WDR33: variants seen among roughly 807,000 people sequenced by gnomAD.
WDR33 encodes the protein pre-mRNA 3' end processing protein WDR33.
Under a neutral mutation model 164.9 loss-of-function variants are expected in WDR33, and 47 were observed. That is an observed-to-expected ratio of 0.29 (90% confidence interval 0.23 to 0.36). WDR33 has a LOEUF of 0.36. WDR33 is among the 10% of genes least tolerant of loss of function. The pLI is 1.00. For synonymous variants in WDR33, 505 were observed against 589.0 expected (o/e 0.86, Z 2.06); for missense variants, 1,137 against 1,754.1 (o/e 0.65, Z 6.28).
At position 127,709,531 on chromosome 2, in the gene WDR33, C is replaced by G. The variant is rs1388335294; in HGVS notation, c.3524G>C (p.Gly1175Ala). Reference protein sequence around the residue: ...PTPDEFPRFEGGRKPDSWDGN... With the variant: ...PTPDEFPRFEAGRKPDSWDGN... ...ATCCCAGGAATCTGGCTTCCGCCCT[C>G]CTTCAAAGCGAGGGAACTCGTCAGG... Residue 1175 changes from glycine to alanine, a missense_variant, in exon 20 of 22, where the codon GGA (glycine) becomes GCA (alanine). Physicochemically the swap from Gly to Ala is moderately conservative, Grantham distance 60. Coordinates refer to ENST00000322313, the MANE Select transcript of WDR33 (RefSeq NM_018383.5). The surrounding 1 kb of genome is among the most constrained non-coding windows in gnomAD (Gnocchi z 5.0). 5.6e-6 allele frequency: 9 copies of G among 1,614,152 alleles called. No individual in the cohort carries two copies. The highest frequency in any genetic ancestry group is 6.8e-6 in the Non-Finnish European group (8 of 1,179,974).
chr2:127,800,282 T>C (rs947356887), intron 1 of WDR33, among the ~76,000 whole-genome samples: 3 of 152,244 alleles, frequency 2.0e-5, no homozygotes, highest in South Asian at 2.1e-4. Context: ...TCATAAAAAT[T>C]ACAGCTTCTG....
intron 1 of WDR33, among the ~76,000 whole-genome samples, chr2:127,778,756 A>C (rs147863798): frequency 2.4e-4 from 37 of 152,188 alleles, no homozygotes; most frequent in Non-Finnish European, 4.4e-4. Flanking sequence ...CACTTGAGAA[A>C]AAAAAGTAAA....
chr2:127,737,175 G>A (rs1419900029), intron 7 of WDR33: 2 of 985,318 alleles, frequency 2.0e-6, no homozygotes, highest in African/African-American at 3.5e-5. Flanking sequence ...GATGCTTAAA[G>A]GAATGTGGCA....
chr2:127,702,308 C>A lies in WDR33; in HGVS notation c.*4015G>T. On this transcript the variant is annotated 3_prime_UTR_variant, in exon 22 of 22. Coordinates refer to ENST00000322313, the MANE Select transcript of WDR33 (RefSeq NM_018383.5). ...GGCCCTGCCCTAACAGCCTGCGAGT[C>A]TAATCCGGGAGCGGCTGCTGCCAGC... is the stretch of plus-strand genomic sequence containing the variant. The A allele has an allele frequency of 2.1e-6, 2 of 969,988 alleles. No individual in the cohort carries two copies. Among genetic ancestry groups the A allele is most frequent in the Non-Finnish European group, 2.6e-6 (2 of 760,344 alleles). 60.1% of individuals were successfully genotyped at this position (969,988 alleles called of 1,614,324 possible). A position where few individuals can be genotyped will look rare whatever the true frequency, so the allele number is the denominator to read the frequency against.
At chr2:127,802,153 G>A (rs1689271928) in intron 1 of WDR33, among the ~76,000 whole-genome samples, 2 of 149,360 alleles carry the variant, frequency 1.3e-5, no homozygotes. Context: ...GGAGGAGAGA[G>A]CAAGACTCCG....
chr2:127,803,309 G>A (rs929989223), intron 1 of WDR33, among the ~76,000 whole-genome samples: 3 of 152,150 alleles, frequency 2.0e-5, no homozygotes, highest in African/African-American at 4.8e-5. Context: ...GCCAGGCACA[G>A]TGGCTCACGT....
At chr2:127,730,693 CAT>C (rs903503298) in intron 7 of WDR33, among the ~76,000 whole-genome samples, 14 of 152,112 alleles carry the variant, frequency 9.2e-5, no homozygotes, top group African/African-American at 2.9e-4. Context: ...ATCATCTTAA[CAT>C]ATGTGTGTAC....
At chr2:127,707,095 A>C (rs1437084939) in intron 21 of WDR33, among the ~76,000 whole-genome samples, 1 of 152,070 alleles carries the variant, frequency 6.6e-6, no homozygotes, top group Non-Finnish European at 1.5e-5. Context: ...AAGCACAAAA[A>C]CCCAAAAACC....
At chr2:127,748,942 A>G (rs1372476591) in intron 7 of WDR33, among the ~76,000 whole-genome samples, 1 of 151,614 alleles carries the variant, frequency 6.6e-6, no homozygotes. Context: ...TCTGGATAGT[A>G]TGTTAGCTGT....
rs189292891 is a variant in WDR33, at chr2:127,731,286, C to A, written c.725-4509G>T. Among the ~76,000 whole-genome samples the A allele has an allele frequency of 8.0e-4, 103 of 128,654 alleles. No homozygotes were observed. The East Asian group carries it at 0.02, about 26-fold the overall frequency. 84.4% of individuals were successfully genotyped at this position (128,654 alleles called of 152,430 possible). On this transcript the variant is annotated intron_variant, in intron 7 of 21. Transcript: ENST00000322313. Reference sequence around the variant, plus strand: ...CTCCAGCCTGGGCAACAGAGCAAGACCCTGCCTCAAAAAAAAAAAAAAAAA... The same window carrying A: ...CTCCAGCCTGGGCAACAGAGCAAGAACCTGCCTCAAAAAAAAAAAAAAAAA...
chr2:127,790,503 A>T (rs1688805445), intron 1 of WDR33, among the ~76,000 whole-genome samples: 1 of 152,190 alleles, frequency 6.6e-6, no homozygotes, highest in South Asian at 2.1e-4. Context: ...TGTAGAATTG[A>T]TATTATTCTT....
In WDR33 at chr2:127,724,951, G is replaced by A. The variant is rs1376876779; in HGVS notation, c.1021C>T (p.Pro341Ser). The change falls in exon 10 of 22, where the codon CCT becomes TCT. Residue 341 changes from proline to serine, a missense_variant. Pro to Ser is a moderately conservative substitution (Grantham distance 74). This residue lies in a region of WDR33 where 83 missense variants were observed against 189.2 expected (regional missense o/e 0.44). Coordinates refer to ENST00000322313, the MANE Select transcript of WDR33 (RefSeq NM_018383.5). This position sits in a 1 kb window ranked among gnomAD's most constrained non-coding sequence, Gnocchi z 4.8. ...CTGGCAAAAAGTCCTTCATGAACAG[G>A]ATGCCAGGCCACAGCTGCAGAACAA... ...KKEATAVAWH[P>S]VHEGLFASGG... 6.2e-7 allele frequency: 1 copy of A among 1,614,048 alleles called. No homozygotes were observed. The highest frequency in any genetic ancestry group is 8.5e-7 in the Non-Finnish European group (1 of 1,180,032).
chr2:127,804,190 G>A (rs189845965), intron 1 of WDR33, among the ~76,000 whole-genome samples: 1,896 of 152,056 alleles, frequency 0.012, 48 homozygotes, highest in African/African-American at 0.044. Context: ...GCATGGTGGC[G>A]GGCGCCTGTA....
At chr2:127,756,673 GAACA>G (rs1687529879) in intron 7 of WDR33, among the ~76,000 whole-genome samples, 1 of 152,078 alleles carries the variant, frequency 6.6e-6, no homozygotes, top group Non-Finnish European at 1.5e-5. Flanking sequence ...TACAATTATA[GAACA>G]GACAACTACA....
rs7580434 is a variant in WDR33, at chr2:127,739,012, C to G, written c.725-12235G>C. On this transcript the variant is annotated intron_variant, in intron 7 of 21. Transcript: ENST00000322313. Reference sequence around the variant, plus strand: ...ACCTTAAAAATTTTTGCCCACAGACCTCAGAAAAAAGATCTTACCATTCCA... The same window carrying G: ...ACCTTAAAAATTTTTGCCCACAGACGTCAGAAAAAAGATCTTACCATTCCA... Among the ~76,000 whole-genome samples the G allele has an allele frequency of 6.5e-3, 987 of 152,150 alleles. 13 individuals are homozygous for G. Among genetic ancestry groups the G allele is most frequent in the African/African-American group, 0.022 (914 of 41,498 alleles).
rs748029693 is a variant in WDR33, at chr2:127,701,768, C to CGGCGGGT, written c.*4548_*4554dup. ...CGCGCGGGCAGCGGCTGGCGGCGGG[C>CGGCGGGT]GGCGGGTGCCTGCTGCTGGCTGCAC... On this transcript the variant is annotated 3_prime_UTR_variant, in exon 22 of 22. Transcript: ENST00000322313. 12 of 1,425,994 alleles carry CGGCGGGT rather than the reference C, an allele frequency of 8.4e-6. No homozygotes were observed. Among genetic ancestry groups the CGGCGGGT allele is most frequent in the Non-Finnish European group, 1.1e-5 (12 of 1,089,802 alleles). The allele number at this position is 1,425,994 out of a possible 1,614,324, so 88.3% of individuals were successfully genotyped here.
rs1227793346 is a variant in WDR33 at position 127,770,101 on chromosome 2, T to C, written c.204+677A>G. Among the ~76,000 whole-genome samples, 1 of 152,212 alleles carries C rather than the reference T, an allele frequency of 6.6e-6. No homozygotes were observed. The highest frequency in any genetic ancestry group is 2.4e-5 in the African/African-American group (1 of 41,452). On this transcript the variant is annotated intron_variant, in intron 2 of 21. Coordinates refer to ENST00000322313, the MANE Select transcript of WDR33 (RefSeq NM_018383.5). This position sits in a 1 kb window ranked among gnomAD's most constrained non-coding sequence, Gnocchi z 4.9. ...CCAGTGTCTCACAAAAATATTCCTATGTTGGTAGTCTTTTATGATTTCATA... is the reference window on the plus strand; with the variant it reads ...CCAGTGTCTCACAAAAATATTCCTACGTTGGTAGTCTTTTATGATTTCATA...
At chr2:127,778,507 G>T (rs1688264245) in intron 1 of WDR33, among the ~76,000 whole-genome samples, 1 of 151,094 alleles carries the variant, frequency 6.6e-6, no homozygotes, top group African/African-American at 2.4e-5. Context: ...CTACCTGCCA[G>T]ACAATGAACA....
In WDR33 at chr2:127,714,399, C is replaced by T. The variant is rs909881276; in HGVS notation, c.2870-378G>A. 6.6e-5 allele frequency among the ~76,000 whole-genome samples: 10 copies of T among 152,330 alleles called. No individual in the cohort carries two copies. Among genetic ancestry groups the T allele is most frequent in the African/African-American group, 2.4e-4 (10 of 41,582 alleles). On this transcript the variant is annotated intron_variant, in intron 17 of 21. Coordinates refer to ENST00000322313, the MANE Select transcript of WDR33 (RefSeq NM_018383.5). The surrounding 1 kb of genome is among the most constrained non-coding windows in gnomAD (Gnocchi z 4.3). ...CCACCTGCTCCACATCCAAGGAGGACACAACAGAGGAAATTAATGCTGCAG... is the reference window on the plus strand; with the variant it reads ...CCACCTGCTCCACATCCAAGGAGGATACAACAGAGGAAATTAATGCTGCAG...
Sources: allele counts gnomAD v4.1 joint callset (sites outside exome capture counted in the v4.1 genomes callset), GRCh38; gene constraint gnomAD v4.1.1; regional missense constraint gnomAD v4.1.1; non-coding constraint Gnocchi (gnomAD v3.1); transcripts MANE v1.5; gene names NCBI Gene and HGNC (gene_info 2026-07-23, HGNC 2026-07-21).